CALD1: variants seen among roughly 807,000 people sequenced by gnomAD.
CALD1 encodes the protein caldesmon.
CALD1 carries 33 observed loss-of-function variants against 99.9 expected under a neutral mutation model. The observed-to-expected ratio is 0.33, with a 90% CI of 0.25 to 0.44. The LOEUF is 0.44. CALD1 is among the 20% of genes least tolerant of loss of function. CALD1 has a pLI of 1.00. For missense variants in CALD1, 861 were observed against 962.1 expected (o/e 0.89, Z 1.39); for synonymous variants, 310 against 325.0 (o/e 0.95, Z 0.50).
At chr7:134,800,696 C>T (rs963976600) in intron 1 of CALD1, among the ~76,000 whole-genome samples, 1 of 151,744 alleles carries the variant, frequency 6.6e-6, no homozygotes, top group African/African-American at 2.4e-5. Context: ...GAGATAAATC[C>T]ATTATATTTG....
chr7:134,878,798 C>T (rs2132409522), intron 3 of CALD1, among the ~76,000 whole-genome samples: 1 of 151,894 alleles, frequency 6.6e-6, no homozygotes, highest in South Asian at 2.1e-4. Context: ...CTCATCTCTA[C>T]AAATAATAAT....
intron 11 of CALD1, among the ~76,000 whole-genome samples, chr7:134,959,226 G>A (rs1184356690): frequency 6.6e-6 from 1 of 151,718 alleles, no homozygotes; most frequent in Non-Finnish European, 1.5e-5. Context: ...TGTTGCCCAA[G>A]CTAGAGTGCA....
intron 4 of CALD1, among the ~76,000 whole-genome samples, chr7:134,932,570 A>T (rs1386729776): frequency 6.6e-6 from 1 of 152,226 alleles, no homozygotes; most frequent in African/African-American, 2.4e-5. Flanking sequence ...AGGCCACCAA[A>T]TAAACGTTGC....
At position 134,970,335 on chromosome 7, in the gene CALD1, C is replaced by A. The variant is rs1161974337; in HGVS notation, c.*1990C>A. 1.3e-5 allele frequency: 2 copies of A among 152,246 alleles called. No homozygotes were observed. The highest frequency in any genetic ancestry group is 4.8e-5 in the African/African-American group (2 of 41,452). 9.4% of individuals were successfully genotyped at this position (152,246 alleles called of 1,614,324 possible). A position where few individuals can be genotyped will look rare whatever the true frequency, so the allele number is the denominator to read the frequency against. ...ACTATTACATATTTTTCTAGAAAAT[C>A]TAAAGTTCAGAAGAGAATGTATCAC... On this transcript the variant is annotated 3_prime_UTR_variant, in exon 15 of 15. Transcript: ENST00000361675.
At chr7:134,853,885 C>T (rs2132235974) in intron 2 of CALD1, among the ~76,000 whole-genome samples, 1 of 102,792 alleles carries the variant, frequency 9.7e-6, no homozygotes, top group East Asian at 3.6e-4. Flanking sequence ...CCGACAGGTC[C>T]CAGTGTGTGA....
chr7:134,958,133 A>C, intron 10 of CALD1, 21 bp downstream of exon 10: 1 of 1,608,314 alleles, frequency 6.2e-7, no homozygotes, highest in Middle Eastern at 1.7e-4. Context: ...TTGATGGTTC[A>C]ATTGAGCTAA....
At chr7:134,758,021 C>T (rs1486689345) in intron 1 of CALD1, among the ~76,000 whole-genome samples, 1 of 152,206 alleles carries the variant, frequency 6.6e-6, no homozygotes, top group Non-Finnish European at 1.5e-5. Context: ...TACCTTGAGT[C>T]AAACTTGTAA....
At chr7:134,823,648 T>C (rs988805659) in intron 1 of CALD1, among the ~76,000 whole-genome samples, 1 of 152,178 alleles carries the variant, frequency 6.6e-6, no homozygotes, top group Non-Finnish European at 1.5e-5. Context: ...AAGTTACATT[T>C]CTTCAAGAAA....
chr7:134,788,097 C>T (rs1038062743), intron 1 of CALD1, among the ~76,000 whole-genome samples: 3 of 152,090 alleles, frequency 2.0e-5, no homozygotes, highest in Admixed American at 2.0e-4. Flanking sequence ...ATTTTGAGAG[C>T]CAGTTGTAAA....
intron 1 of CALD1, among the ~76,000 whole-genome samples, chr7:134,760,940 C>T (rs546537012): frequency 8.6e-5 from 13 of 152,030 alleles, no homozygotes; most frequent in African/African-American, 2.7e-4. Flanking sequence ...AAACAGTAAA[C>T]GTTGTTGAGC....
chr7:134,935,872 T>C (rs2133000673), intron 6 of CALD1, 107 bp downstream of exon 6: 1 of 1,095,472 alleles, frequency 9.1e-7, no homozygotes, highest in Middle Eastern at 2.9e-4. Flanking sequence ...ATATCCAGTG[T>C]ATTTCAAGCC....
At chr7:134,788,247 A>C (rs1797382437) in intron 1 of CALD1, among the ~76,000 whole-genome samples, 1 of 152,226 alleles carries the variant, frequency 6.6e-6, no homozygotes, top group African/African-American at 2.4e-5. Flanking sequence ...GGTTAGTTAC[A>C]TCTATTGTGG....
intron 2 of CALD1, among the ~76,000 whole-genome samples, chr7:134,849,240 A>T (rs1799977278): frequency 6.6e-6 from 1 of 152,184 alleles, no homozygotes; most frequent in Non-Finnish European, 1.5e-5. Flanking sequence ...TATATCTGTA[A>T]ATCTACTTTT....
At chr7:134,959,093 T>C (rs1313734126) in intron 11 of CALD1, among the ~76,000 whole-genome samples, 1 of 151,740 alleles carries the variant, frequency 6.6e-6, no homozygotes, top group Admixed American at 6.6e-5. Flanking sequence ...TAAATACTTG[T>C]ATAACTAGTT....
chr7:134,950,500 G>A lies in CALD1; in HGVS notation c.1921G>A (p.Gly641Ser), dbSNP rs747607225. The A allele has an allele frequency of 6.2e-7, 1 of 1,613,830 alleles. No individual in the cohort carries two copies. The highest frequency in any genetic ancestry group is 1.1e-5 in the South Asian group (1 of 91,054). Residue 641 changes from glycine to serine, a missense_variant, in exon 9 of 15, where the codon GGT (glycine) becomes AGT (serine). Around this residue, in one of 5 missense-constraint regions of CALD1, gnomAD observed 190 missense variants for 249.0 expected, o/e 0.76. Transcript: ENST00000361675. ...KKPFKCFTPK[G>S]SSLKIEERAE... ...ACCATTCAAGTGTTTCACTCCTAAAGGTTCATCTCTCAAGGTATTTTTTTC... is the reference window on the plus strand; with the variant it reads ...ACCATTCAAGTGTTTCACTCCTAAAAGTTCATCTCTCAAGGTATTTTTTTC...
the CALD1 span, among the ~76,000 whole-genome samples, chr7:134,713,001 C>A: frequency 6.6e-6 from 1 of 152,220 alleles, no homozygotes; most frequent in African/African-American, 2.4e-5. Context: ...ATACAAGGGA[C>A]TCAGATATAT....
chr7:134,958,379 C>G lies in CALD1; in HGVS notation c.2061+89C>G. 6 of 917,934 alleles carry G rather than the reference C, an allele frequency of 6.5e-6. 1 individual carries two copies. In the South Asian group the frequency reaches 6.8e-5, roughly 10 times the overall value. 56.9% of individuals were successfully genotyped at this position (917,934 alleles called of 1,614,324 possible). A position where few individuals can be genotyped will look rare whatever the true frequency, so the allele number is the denominator to read the frequency against. On this transcript the variant is annotated intron_variant, in intron 11 of 14. Coordinates refer to ENST00000361675, the MANE Select transcript of CALD1 (RefSeq NM_033138.4). Reference sequence around the variant, plus strand: ...GCATAAAAACACTTAGGACAATAATCAAGTCCAATAGCCCCAGGAGTGTTA... The same window carrying G: ...GCATAAAAACACTTAGGACAATAATGAAGTCCAATAGCCCCAGGAGTGTTA...
chr7:134,947,806 G>C, intron 8 of CALD1, 37 bp downstream of exon 8: 1 of 1,593,398 alleles, frequency 6.3e-7, no homozygotes, highest in Non-Finnish European at 8.5e-7. Context: ...ACGTTGCCCG[G>C]GAAAATTCCC....
the CALD1 span, among the ~76,000 whole-genome samples, chr7:134,725,324 T>C: frequency 1.3e-5 from 2 of 152,342 alleles, no homozygotes; most frequent in South Asian, 4.1e-4. Context: ...GTCCATGGGT[T>C]CAACCTATCT....
Sources: allele counts gnomAD v4.1 joint callset (sites outside exome capture counted in the v4.1 genomes callset), GRCh38; gene constraint gnomAD v4.1.1; regional missense constraint gnomAD v4.1.1; transcripts MANE v1.5; gene names NCBI Gene and HGNC (gene_info 2026-07-23, HGNC 2026-07-21).